XKR4: variants seen among roughly 807,000 people sequenced by gnomAD.
The protein encoded by XKR4 is XK-related protein 4.
Under a neutral mutation model 53.9 loss-of-function variants are expected in XKR4, and 12 were observed. The ratio of observed to expected loss-of-function variants is 0.22; its 90% CI spans 0.14 to 0.36. XKR4 has a LOEUF of 0.36. XKR4 is among the 10% of genes least tolerant of loss of function. The pLI is 1.00. For synonymous variants in XKR4, 354 were observed against 362.4 expected (o/e 0.98, Z 0.26); for missense variants, 799 against 859.5 (o/e 0.93, Z 0.88).
intron 2 of XKR4, among the ~76,000 whole-genome samples, chr8:55,514,293 G>A (rs73595345): frequency 0.089 from 11,177 of 125,020 alleles, 998 homozygotes; most frequent in East Asian, 0.3. Flanking sequence ...ACTCACTCTT[G>A]TCACCCAGGC....
intron 1 of XKR4, among the ~76,000 whole-genome samples, chr8:55,309,130 C>T (rs1029192051): frequency 6.6e-6 from 1 of 152,182 alleles, no homozygotes; most frequent in South Asian, 2.1e-4. Flanking sequence ...TCATTTTCAC[C>T]CAGTGACACC....
rs1197095121 is a variant in XKR4 at position 55,383,041 on chromosome 8, C to T, written c.1006+25164C>T. 5.3e-5 allele frequency among the ~76,000 whole-genome samples: 8 copies of T among 152,008 alleles called. No homozygotes were observed. The South Asian group carries it at 1.7e-3, about 31-fold the overall frequency. On this transcript the variant is annotated intron_variant, in intron 2 of 2. Coordinates refer to ENST00000327381, the MANE Select transcript of XKR4 (RefSeq NM_052898.2). ...CAGCCTGGCCCACAGTGTGAAACCC[C>T]GTTTCTACTAAAAATACAAAAATTA...
At chr8:55,343,767 G>C (rs1413203228) in intron 1 of XKR4, among the ~76,000 whole-genome samples, 3 of 152,076 alleles carry the variant, frequency 2.0e-5, no homozygotes, top group Non-Finnish European at 4.4e-5. Flanking sequence ...GCACAACACT[G>C]TATTTTATGT....
rs1225836792 is a variant in XKR4 at position 55,289,560 on chromosome 8, GGAAGGAAGGAGA to G, written c.807-68115_807-68104del. On this transcript the variant is annotated intron_variant, in intron 1 of 2. Transcript: ENST00000327381. ...AAGAAAGAAGGAAGGAAGGAAGGAA[GGAAGGAAGGAGA>G]GAGAAAGGAAGAAAGAAAGAGAAAG... Among the ~76,000 whole-genome samples, 8 of 85,928 alleles carry G rather than the reference GGAAGGAAGGAGA, an allele frequency of 9.3e-5. 2 individuals carry two copies. Among genetic ancestry groups the G allele is most frequent in the Non-Finnish European group, 9.4e-5 (4 of 42,354 alleles). 56.4% of individuals were successfully genotyped at this position (85,928 alleles called of 152,430 possible).
At chr8:55,373,240 C>A (rs1382641186) in intron 2 of XKR4, among the ~76,000 whole-genome samples, 2 of 152,148 alleles carry the variant, frequency 1.3e-5, no homozygotes, top group Non-Finnish European at 2.9e-5. Context: ...GATCTTGGCT[C>A]ACTGCACCCG....
At chr8:55,214,498 ATT>A (rs1817774973) in intron 1 of XKR4, among the ~76,000 whole-genome samples, 2 of 152,238 alleles carry the variant, frequency 1.3e-5, no homozygotes, top group Admixed American at 6.5e-5. Flanking sequence ...GAGAAGATTA[ATT>A]TGTCCTGAAT....
At chr8:55,501,852 A>T (rs1045634834) in intron 2 of XKR4, among the ~76,000 whole-genome samples, 4 of 152,200 alleles carry the variant, frequency 2.6e-5, no homozygotes, top group African/African-American at 9.7e-5. Context: ...GTCATCCCTC[A>T]GTATCCACGG....
chr8:55,294,266 A>G (rs1034995300), intron 1 of XKR4, among the ~76,000 whole-genome samples: 2 of 152,178 alleles, frequency 1.3e-5, no homozygotes, highest in Non-Finnish European at 2.9e-5. Flanking sequence ...TATCTTCTCT[A>G]AGAAGCTCTT....
rs1300628830 is a variant in XKR4 at position 55,487,764 on chromosome 8, C to T, written c.1007-35517C>T. ...GATTGATTACAGGCGTAAGCCACTA[C>T]CTAGTTACTCCTTAATCCAGTCAAA... On this transcript the variant is annotated intron_variant, in intron 2 of 2. Coordinates refer to ENST00000327381, the MANE Select transcript of XKR4 (RefSeq NM_052898.2). Among the ~76,000 whole-genome samples the T allele has an allele frequency of 2.0e-5, 3 of 152,168 alleles. No individual in the cohort carries two copies. In the East Asian group the frequency reaches 5.8e-4, roughly 29 times the overall value.
At chr8:55,233,102 G>A (rs1818066819) in intron 1 of XKR4, among the ~76,000 whole-genome samples, 1 of 152,168 alleles carries the variant, frequency 6.6e-6, no homozygotes, top group South Asian at 2.1e-4. Context: ...TTTGATCCAG[G>A]CAACTGATTG....
chr8:55,320,501 G>A (rs1308409623), intron 1 of XKR4, among the ~76,000 whole-genome samples: 1 of 152,144 alleles, frequency 6.6e-6, no homozygotes, highest in Non-Finnish European at 1.5e-5. Context: ...GGGGGAGAAA[G>A]TTTCTGCTAT....
chr8:55,185,754 T>G (rs1256027025), intron 1 of XKR4, among the ~76,000 whole-genome samples: 1 of 152,200 alleles, frequency 6.6e-6, no homozygotes, highest in Non-Finnish European at 1.5e-5. Context: ...TTGCAGATTA[T>G]TCACTCATTA....
chr8:55,463,112 A>C (rs369974634), intron 2 of XKR4, among the ~76,000 whole-genome samples: 2 of 152,252 alleles, frequency 1.3e-5, no homozygotes, highest in East Asian at 3.9e-4. Context: ...ACTCAGCTCT[A>C]CACCAAGCAG....
intron 1 of XKR4, among the ~76,000 whole-genome samples, chr8:55,302,300 G>A (rs1293362615): frequency 1.3e-5 from 2 of 152,108 alleles, no homozygotes; most frequent in Non-Finnish European, 1.5e-5. Context: ...AAGATCAGAT[G>A]GTTGTAGATA....
At chr8:55,267,834 A>G (rs1818632159) in intron 1 of XKR4, among the ~76,000 whole-genome samples, 1 of 152,200 alleles carries the variant, frequency 6.6e-6, no homozygotes, top group Admixed American at 6.5e-5. Context: ...CTCACGTCCA[A>G]TTATTTCTTA....
At chr8:55,448,503 A>G (rs1256070735) in intron 2 of XKR4, among the ~76,000 whole-genome samples, 2 of 152,366 alleles carry the variant, frequency 1.3e-5, no homozygotes, top group East Asian at 1.9e-4. Flanking sequence ...CGTAATGTCT[A>G]GCTCATAAGT....
At chr8:55,343,402 T>C (rs548540988) in intron 1 of XKR4, among the ~76,000 whole-genome samples, 71 of 152,306 alleles carry the variant, frequency 4.7e-4, no homozygotes, top group Non-Finnish European at 1.5e-4. Context: ...ACCACAGGCA[T>C]GGGCAGGCTG....
chr8:55,285,014 T>C (rs1364643340), intron 1 of XKR4, among the ~76,000 whole-genome samples: 1 of 152,200 alleles, frequency 6.6e-6, no homozygotes, highest in Non-Finnish European at 1.5e-5. Flanking sequence ...CTCTTTTAAA[T>C]ACAGCAGTCA....
intron 1 of XKR4, among the ~76,000 whole-genome samples, chr8:55,232,259 G>T (rs969315109): frequency 6.6e-6 from 1 of 152,202 alleles, no homozygotes; most frequent in African/African-American, 2.4e-5. Context: ...CCGGACATTA[G>T]TGATGCTTGA....
Sources: allele counts gnomAD v4.1 joint callset (sites outside exome capture counted in the v4.1 genomes callset), GRCh38; gene constraint gnomAD v4.1.1; transcripts MANE v1.5; gene names NCBI Gene and HGNC (gene_info 2026-07-23, HGNC 2026-07-21).